LCORL: variants seen among roughly 807,000 people sequenced by gnomAD.
LCORL encodes the protein ligand dependent nuclear receptor corepressor like, also known as ligand-dependent nuclear receptor corepressor-like protein.
Under a neutral mutation model 141.8 loss-of-function variants are expected in LCORL, and 41 were observed. The ratio of observed to expected loss-of-function variants is 0.29; its 90% CI spans 0.23 to 0.38. LCORL has a LOEUF of 0.38. LCORL is among the 10% of genes least tolerant of loss of function. The probability of loss-of-function intolerance (pLI) is 1.00; values close to 1 mark genes in which losing one functional copy is unlikely to be tolerated. For missense variants in LCORL, 1,759 were observed against 2,035.0 expected, an observed-to-expected ratio of 0.86 and a Z score of 2.61; for synonymous variants, 618 against 694.1, an observed-to-expected ratio of 0.89 and a Z score of 1.72.
At chr4:18,018,936 T>C (rs1046743640) in intron 1 of LCORL, among the ~76,000 whole-genome samples, 7 of 152,204 alleles carry the variant, frequency 4.6e-5, no homozygotes, top group African/African-American at 1.4e-4. Flanking sequence ...GAAAATAATA[T>C]GGCTTTTTTA....
At chr4:17,964,287 A>T (rs1385305085) in intron 2 of LCORL, among the ~76,000 whole-genome samples, 1 of 152,114 alleles carries the variant, frequency 6.6e-6, no homozygotes, top group Non-Finnish European at 1.5e-5. Flanking sequence ...TTACTAGTTT[A>T]AGCTTTTCAA....
intron 4 of LCORL, among the ~76,000 whole-genome samples, chr4:17,954,181 A>T (rs1012010466): frequency 2.6e-5 from 4 of 152,118 alleles, no homozygotes; most frequent in Non-Finnish European, 5.9e-5. Context: ...ACAAACAAAA[A>T]CAAACAAATA....
At chr4:17,992,757 G>A (rs905896429) in intron 1 of LCORL, among the ~76,000 whole-genome samples, 2 of 152,152 alleles carry the variant, frequency 1.3e-5, no homozygotes, top group African/African-American at 2.4e-5. Flanking sequence ...GTACTCAGAC[G>A]ATAAATCCAT....
intron 2 of LCORL, among the ~76,000 whole-genome samples, chr4:17,971,769 T>C (rs924824055): frequency 1.3e-5 from 2 of 151,718 alleles, no homozygotes; most frequent in Non-Finnish European, 3.0e-5. Flanking sequence ...GCCTAAACTG[T>C]ATAAAATATA....
In LCORL at chr4:17,889,798, A is replaced by T. The variant is rs1728826428; in HGVS notation, c.683-3637T>A. On this transcript the variant is annotated intron_variant, in intron 5 of 7. Transcript: ENST00000635767. ...ATTTACATTTATCTGAATGGTGATTACATCACTCTTTCACAATGGAGATAT... is the reference window on the plus strand; with the variant it reads ...ATTTACATTTATCTGAATGGTGATTTCATCACTCTTTCACAATGGAGATAT... Among the ~76,000 whole-genome samples, 3 of 152,096 alleles carry T rather than the reference A, an allele frequency of 2.0e-5. No individual in the cohort carries two copies. The South Asian group carries it at 6.2e-4, about 31-fold the overall frequency.
rs554337847 is a variant in LCORL, at chr4:17,990,363, T to C, written c.155-17478A>G. On this transcript the variant is annotated intron_variant, in intron 1 of 7. Transcript: ENST00000635767. ...ATCCACCCGCCTCGGCCTGCCAAAG[T>C]GCTCGGATTACAGGCATGAGCCACC... 1.3e-4 allele frequency among the ~76,000 whole-genome samples: 19 copies of C among 149,632 alleles called. No individual in the cohort carries two copies. The East Asian group carries it at 3.1e-3, about 25-fold the overall frequency.
At chr4:17,981,027 A>G (rs1717889490) in intron 1 of LCORL, among the ~76,000 whole-genome samples, 1 of 152,178 alleles carries the variant, frequency 6.6e-6, no homozygotes, top group African/African-American at 2.4e-5. Context: ...TAATCCTTCC[A>G]AAGACCAAAA....
At position 18,021,654 on chromosome 4, in the gene LCORL, C is replaced by T. The variant is rs1325287882; in HGVS notation, c.98G>A (p.Arg33Lys). ...GTCGAGTTCCCGCCGGAATCCTCTT[C>T]TCTCCGCCGCGCACCGAGGGCTCCG... is the stretch of plus-strand genomic sequence containing the variant. Residue 33 changes from arginine (R) to lysine (K), a missense_variant, in exon 1 of 8, where the codon AGA becomes AAA. This residue lies in a region of LCORL where 86 missense variants were observed against 61.8 expected (regional missense o/e 1.39). Coordinates refer to ENST00000635767, the Ensembl canonical transcript of LCORL. This position sits in a 1 kb window ranked among gnomAD's most constrained non-coding sequence, Gnocchi z 5.5. The T allele has an allele frequency of 1.3e-6, 2 of 1,546,200 alleles. No individual in the cohort carries two copies. Among genetic ancestry groups the T allele is most frequent in the South Asian group, 2.4e-5 (2 of 83,932 alleles).
chr4:17,933,547 T>C (rs1736386096), intron 4 of LCORL, among the ~76,000 whole-genome samples: 2 of 152,236 alleles, frequency 1.3e-5, no homozygotes, highest in African/African-American at 2.4e-5. Flanking sequence ...ATTTTCCTTT[T>C]TATCTATTTC....
chr4:18,003,435 A>C (rs1172677647), intron 1 of LCORL, among the ~76,000 whole-genome samples: 2 of 140,232 alleles, frequency 1.4e-5, no homozygotes, highest in African/African-American at 6.0e-5. Flanking sequence ...TGACTTGTGA[A>C]ATTTAAGGTA....
intron 4 of LCORL, among the ~76,000 whole-genome samples, chr4:17,918,634 T>C (rs1484172565): frequency 1.3e-5 from 2 of 152,092 alleles, no homozygotes; most frequent in Non-Finnish European, 2.9e-5. Context: ...AACTTGAACA[T>C]AGGCAGGTTG....
intron 4 of LCORL, among the ~76,000 whole-genome samples, chr4:17,926,438 G>A (rs188183485): frequency 1.3e-5 from 2 of 152,134 alleles, no homozygotes; most frequent in Non-Finnish European, 2.9e-5. Flanking sequence ...TCCTGCCCTC[G>A]AATGTCAAAC....
At position 17,914,787 on chromosome 4, in the gene LCORL, A is replaced by C. The variant is rs150847638; in HGVS notation, c.431-5442T>G. ...TTACTGCCCCCTATCAGACAAGAAC[A>C]ATTATTTTTTGCCTTATTTCTTCAC... On this transcript the variant is annotated intron_variant, in intron 4 of 7. Coordinates refer to ENST00000635767, the Ensembl canonical transcript of LCORL. Among the ~76,000 whole-genome samples, 662 of 152,282 alleles carry C rather than the reference A, an allele frequency of 4.3e-3. 4 individuals carry two copies. The highest frequency in any genetic ancestry group is 0.015 in the African/African-American group (639 of 41,568).
chr4:17,896,826 A>C (rs1315698760), intron 5 of LCORL, among the ~76,000 whole-genome samples: 1 of 152,004 alleles, frequency 6.6e-6, no homozygotes, highest in African/African-American at 2.4e-5. Context: ...TATTCATTCT[A>C]CTTTTTTGTA....
At chr4:17,909,463 C>T in intron 4 of LCORL, 118 bp from the exon 5 acceptor site, 1 of 599,726 alleles carries the variant, frequency 1.7e-6, no homozygotes, top group Non-Finnish European at 2.7e-6. Context: ...CAGTCCATAA[C>T]TCCCAATGTT....
intron 4 of LCORL, among the ~76,000 whole-genome samples, chr4:17,957,250 C>T (rs957279636): frequency 4.6e-5 from 7 of 151,926 alleles, no homozygotes; most frequent in Admixed American, 2.0e-4. Flanking sequence ...AAGAAGGTTA[C>T]GGTTTTGATC....
chr4:17,974,296 T>C (rs1027458633), intron 1 of LCORL, among the ~76,000 whole-genome samples: 1 of 152,168 alleles, frequency 6.6e-6, no homozygotes, highest in Non-Finnish European at 1.5e-5. Context: ...TATGTCTCTT[T>C]AGCTTTCTTT....
At chr4:17,854,393 A>T (rs1724118435) in intron 7 of LCORL, among the ~76,000 whole-genome samples, 1 of 152,240 alleles carries the variant, frequency 6.6e-6, no homozygotes, top group Non-Finnish European at 1.5e-5. Context: ...ACATAAGACA[A>T]TCAAAGATAT....
intron 7 of LCORL, among the ~76,000 whole-genome samples, chr4:17,857,099 A>G (rs1160541292): frequency 6.6e-6 from 1 of 152,228 alleles, no homozygotes; most frequent in African/African-American, 2.4e-5. Context: ...ACAGGGTAGC[A>G]GGGACCAGAT....
Sources: gnomAD v4.1 joint callset for allele counts (sites outside exome capture counted in the v4.1 genomes callset) on GRCh38, gnomAD v4.1.1 for gene constraint, gnomAD v4.1.1 regional missense constraint, Gnocchi (gnomAD v3.1) non-coding constraint, MANE v1.5 for transcripts, NCBI Gene and HGNC (gene_info 2026-07-23, HGNC 2026-07-21) for gene names.